CDK17: variants seen among roughly 807,000 people sequenced by gnomAD.
CDK17 encodes cyclin-dependent kinase 17.
Under a neutral mutation model 77.6 loss-of-function variants are expected in CDK17, and 24 were observed. The observed-to-expected ratio is 0.31, with a 90% CI of 0.22 to 0.44. The LOEUF (loss-of-function observed/expected upper bound fraction) is 0.44, where lower values mean the gene tolerates loss of function less well. Ranked by LOEUF, CDK17 falls within the 20% of genes least tolerant of loss-of-function variation. The pLI, the probability that CDK17 is intolerant of heterozygous loss-of-function variation, is 1.00. For synonymous variants in CDK17, 203 were observed against 210.4 expected (o/e 0.96, Z 0.30); for missense variants, 429 against 622.5 (o/e 0.69, Z 3.31).
At chr12:96,347,694 T>C (rs1396404933) in intron 1 of CDK17, among the ~76,000 whole-genome samples, 4 of 150,672 alleles carry the variant, frequency 2.7e-5, no homozygotes, top group Non-Finnish European at 5.9e-5. Flanking sequence ...TATATACCTA[T>C]TGTATTAGAC....
At chr12:96,329,127 G>A (rs540207257) in intron 2 of CDK17, among the ~76,000 whole-genome samples, 1 of 152,278 alleles carries the variant, frequency 6.6e-6, no homozygotes, top group South Asian at 2.1e-4. Context: ...GTGGTTACCA[G>A]GGGCTGGGGA....
intron 5 of CDK17, among the ~76,000 whole-genome samples, chr12:96,304,348 C>T (rs1256463814): frequency 6.6e-6 from 1 of 152,122 alleles, no homozygotes; most frequent in Non-Finnish European, 1.5e-5. Context: ...ACCATCCTGG[C>T]CAACATAGTG....
chr12:96,299,255 T>C (rs1195926389), intron 6 of CDK17, among the ~76,000 whole-genome samples: 1 of 152,232 alleles, frequency 6.6e-6, no homozygotes, highest in South Asian at 2.1e-4. Flanking sequence ...TACCTTATTT[T>C]AGATTAACAA....
At chr12:96,286,960 C>T (rs565589550) in intron 11 of CDK17, among the ~76,000 whole-genome samples, 199 bp from the exon 12 acceptor site, 2 of 152,252 alleles carry the variant, frequency 1.3e-5, no homozygotes, top group African/African-American at 2.4e-5. Flanking sequence ...ATCCATTTTT[C>T]CCACTTAAAA....
chr12:96,362,664 C>T (rs1953513325), intron 1 of CDK17, among the ~76,000 whole-genome samples: 1 of 152,196 alleles, frequency 6.6e-6, no homozygotes. Context: ...CTGCTAAATA[C>T]TTTTAAGCAA....
At chr12:96,338,047 G>C (rs1953070253) in intron 1 of CDK17, among the ~76,000 whole-genome samples, 1 of 152,170 alleles carries the variant, frequency 6.6e-6, no homozygotes, top group African/African-American at 2.4e-5. Flanking sequence ...TATGCCTGGG[G>C]CTCTGGCCCA....
chr12:96,341,912 TTA>T (rs1185105224), intron 1 of CDK17, among the ~76,000 whole-genome samples: 3 of 152,236 alleles, frequency 2.0e-5, no homozygotes, highest in Admixed American at 6.5e-5. Context: ...AATCCACTGT[TTA>T]TGTTTTTGAA....
At chr12:96,300,258 C>T (rs772751135) in intron 6 of CDK17, 46 bp downstream of exon 6, 26 of 1,290,624 alleles carry the variant, frequency 2.0e-5, no homozygotes, top group African/African-American at 3.0e-5. Context: ...GTTTGAATGA[C>T]GAATAAGAAA....
At chr12:96,340,093 C>A (rs1953102308) in intron 1 of CDK17, among the ~76,000 whole-genome samples, 1 of 151,776 alleles carries the variant, frequency 6.6e-6, no homozygotes, top group Admixed American at 6.6e-5. Flanking sequence ...CTGGACAATG[C>A]TGACATAGAG....
intron 1 of CDK17, among the ~76,000 whole-genome samples, chr12:96,361,799 T>C (rs908683294): frequency 3.3e-5 from 5 of 152,150 alleles, no homozygotes; most frequent in South Asian, 2.1e-4. Context: ...AGATGGAAAA[T>C]TGGCATTTAT....
At chr12:96,330,226 T>C (rs779755470) in intron 2 of CDK17, among the ~76,000 whole-genome samples, 3 of 152,006 alleles carry the variant, frequency 2.0e-5, no homozygotes, top group African/African-American at 7.2e-5. Flanking sequence ...TTCTGAAATA[T>C]AACTTTCTGT....
intron 2 of CDK17, among the ~76,000 whole-genome samples, chr12:96,330,123 T>C (rs1952946840): frequency 6.6e-6 from 1 of 152,204 alleles, no homozygotes; most frequent in South Asian, 2.1e-4. Flanking sequence ...CTTCCTCACA[T>C]TTAAATTGTC....
At chr12:96,397,461 A>T (rs1456143024) in intron 1 of CDK17, among the ~76,000 whole-genome samples, 1 of 152,136 alleles carries the variant, frequency 6.6e-6, no homozygotes, top group African/African-American at 2.4e-5. Flanking sequence ...CATTATTTCA[A>T]ATACCTAACA....
At chr12:96,321,838 T>G in intron 3 of CDK17, among the ~76,000 whole-genome samples, 1 of 123,348 alleles carries the variant, frequency 8.1e-6, no homozygotes, top group Non-Finnish European at 1.7e-5. Context: ...AGGGATAGCA[T>G]TGGGAGATAT....
chr12:96,318,105 T>A (rs1452497010), intron 3 of CDK17, among the ~76,000 whole-genome samples: 1 of 151,122 alleles, frequency 6.6e-6, no homozygotes, highest in Non-Finnish European at 1.5e-5. Flanking sequence ...TGGAGGAAGA[T>A]CTACCAAGCA....
intron 2 of CDK17, among the ~76,000 whole-genome samples, chr12:96,326,838 A>G (rs755156588): frequency 7.2e-5 from 11 of 152,222 alleles, no homozygotes; most frequent in Non-Finnish European, 1.6e-4. Context: ...GTGAGACCAC[A>G]GAGGTAAGGA....
intron 5 of CDK17, among the ~76,000 whole-genome samples, chr12:96,301,902 T>C (rs1182473597): frequency 1.3e-5 from 2 of 152,178 alleles, no homozygotes; most frequent in African/African-American, 2.4e-5. Flanking sequence ...TTTTATCTTT[T>C]TGTTACAATG....
At chr12:96,326,973 T>C (rs111604996) in intron 2 of CDK17, among the ~76,000 whole-genome samples, 3,341 of 152,288 alleles carry the variant, frequency 0.022, 68 homozygotes, top group Non-Finnish European at 0.035. Flanking sequence ...TTCAAAAATA[T>C]CACTGTGAAG....
chr12:96,288,366 A>G (rs1011167055), intron 11 of CDK17, among the ~76,000 whole-genome samples: 2 of 152,262 alleles, frequency 1.3e-5, no homozygotes, highest in South Asian at 2.1e-4. Flanking sequence ...TATATTCAGG[A>G]AAGGATTTAT....
Sources: allele counts gnomAD v4.1 joint callset (sites outside exome capture counted in the v4.1 genomes callset), GRCh38; gene constraint gnomAD v4.1.1; transcripts MANE v1.5; gene names NCBI Gene and HGNC (gene_info 2026-07-23, HGNC 2026-07-21).